ADCY10: variants seen among roughly 807,000 people sequenced by gnomAD.
ADCY10 encodes adenylate cyclase type 10.
ADCY10 carries 156 observed loss-of-function variants against 183.3 expected under a neutral mutation model. The observed-to-expected ratio is 0.85, with a 90% CI of 0.75 to 0.97. ADCY10 has a LOEUF of 0.97. Among genes scored for constraint, ADCY10 ranks in the 50% least tolerant of loss-of-function variants. ADCY10 has a pLI of 0.00. For synonymous variants in ADCY10, 645 were observed against 670.0 expected (o/e 0.96, Z 0.58); for missense variants, 1,745 against 1,934.3 (o/e 0.90, Z 1.84).
intron 10 of ADCY10, 82 bp from the exon 11 acceptor site, chr1:167,880,273 T>A: frequency 7.9e-7 from 1 of 1,269,826 alleles, no homozygotes; most frequent in Non-Finnish European, 1.1e-6. Flanking sequence ...GGAAATAATG[T>A]CTGGGTTGGG....
chr1:167,810,595 G>A, intron 32 of ADCY10, 130 bp downstream of exon 32: 1 of 849,414 alleles, frequency 1.2e-6, no homozygotes, highest in Non-Finnish European at 1.9e-6. Context: ...GGTTTCTATT[G>A]TTCATCAATG....
rs779277384 is a variant in ADCY10, at chr1:167,831,155, T to TA, written c.3594-1733dup. 1.1e-4 allele frequency among the ~76,000 whole-genome samples: 16 copies of TA among 152,252 alleles called. No homozygotes were observed. The East Asian group carries it at 3.1e-3, about 29-fold the overall frequency. On this transcript the variant is annotated intron_variant, in intron 25 of 32. Coordinates refer to ENST00000367851, the MANE Select transcript of ADCY10 (RefSeq NM_018417.6). Reference sequence around the variant, plus strand: ...ATTATGATGTGGAAATGATTTTTTTTAAAGGTTCTTAGGAAACATGGACAG... The same window carrying TA: ...ATTATGATGTGGAAATGATTTTTTTTAAAAGGTTCTTAGGAAACATGGACAG...
intron 29 of ADCY10, among the ~76,000 whole-genome samples, chr1:167,822,528 T>C (rs1261022895): frequency 1.3e-5 from 2 of 152,178 alleles, no homozygotes; most frequent in African/African-American, 4.8e-5. Context: ...TCCTGTGGTT[T>C]AGTGTGTACA....
Position 167,883,504 on chromosome 1 carries a change from T to TA in ADCY10, c.952dup (p.Tyr318LeufsTer17), listed in dbSNP as rs763059448. On this transcript the variant is annotated frameshift_variant, in exon 9 of 33. Coordinates refer to ENST00000367851, the MANE Select transcript of ADCY10 (RefSeq NM_018417.6). LOFTEE classifies it high-confidence loss of function. The stretch of plus-strand genomic sequence containing the variant: ...CTTCAGGACAGAAGTGATGTGCATA[T>TA]AGGCATCCTGGATGGCTGGGCCTAT... 65 of 1,614,142 alleles carry TA rather than the reference T, an allele frequency of 4.0e-5. No homozygotes were observed. Among genetic ancestry groups the TA allele is most frequent in the Non-Finnish European group, 5.3e-5 (62 of 1,180,054 alleles).
chr1:167,820,427 T>A, intron 30 of ADCY10: 1 of 515,730 alleles, frequency 1.9e-6, no homozygotes. Context: ...TCCAGGTGAT[T>A]TTTATGCCCA....
At chr1:167,913,253 A>T (rs1670265456) in intron 1 of ADCY10, among the ~76,000 whole-genome samples, 1 of 152,232 alleles carries the variant, frequency 6.6e-6, no homozygotes, top group Admixed American at 6.5e-5. Flanking sequence ...GCGGAGTGTG[A>T]GTAAAGAAAA....
chr1:167,876,745 C>T (rs1667495283), intron 12 of ADCY10, among the ~76,000 whole-genome samples: 1 of 152,162 alleles, frequency 6.6e-6, no homozygotes, highest in South Asian at 2.1e-4. Context: ...TATCTGTGCC[C>T]TTTGCTGTGT....
At position 167,867,779 on chromosome 1, in the gene ADCY10, A is replaced by G. The variant is rs1666811088; in HGVS notation, c.1616+2478T>C. ...GAATAAGATGCGGTTCTTTAAACTG[A>G]AAAAAAAAAAAGTTACACAGCAGGA... On this transcript the variant is annotated intron_variant, in intron 14 of 32. Transcript: ENST00000367851. Among the ~76,000 whole-genome samples, 3 of 146,218 alleles carry G rather than the reference A, an allele frequency of 2.1e-5. No homozygotes were observed. In the Middle Eastern group the frequency reaches 0.01, roughly 511 times the overall value.
chr1:167,811,001 A>G (rs1262054412), intron 31 of ADCY10, 88 bp from the exon 32 acceptor site: 1 of 1,247,436 alleles, frequency 8.0e-7, no homozygotes, highest in East Asian at 2.4e-5. Context: ...ATTTGGGAAC[A>G]TTTCAAGGAT....
At chr1:167,888,868 T>C (rs2102318690) in intron 8 of ADCY10, among the ~76,000 whole-genome samples, 2 of 111,024 alleles carry the variant, frequency 1.8e-5, no homozygotes, top group Non-Finnish European at 1.8e-5. Flanking sequence ...AGAGGGAGAC[T>C]CCGTCTCAAA....
intron 14 of ADCY10, among the ~76,000 whole-genome samples, chr1:167,863,797 C>G (rs545675777): frequency 6.6e-6 from 1 of 152,320 alleles, no homozygotes; most frequent in African/African-American, 2.4e-5. Flanking sequence ...GGCTGAACAC[C>G]GGGAAGGAAT....
At position 167,836,351 on chromosome 1, in the gene ADCY10, T is replaced by C. The variant is rs374619312; in HGVS notation, c.3267A>G (p.Leu1089=). Residue 1089 remains leucine, a synonymous_variant, in exon 23 of 33, where the codon TTA becomes TTG. Transcript: ENST00000367851. ...GENDKALYYF[L]EIASAYLIFC... is the part of the protein sequence containing the mutation. ...AGATGAGATAAGCAGATGCAATTTC[T>C]AAGAAGTAATATAAGGCTTTGTCAT... The C allele has an allele frequency of 1.2e-6, 2 of 1,613,966 alleles. No homozygotes were observed. Among genetic ancestry groups the C allele is most frequent in the Non-Finnish European group, 1.7e-6 (2 of 1,179,992 alleles).
chr1:167,842,628 T>C (rs1469317611), intron 21 of ADCY10, among the ~76,000 whole-genome samples: 1 of 150,930 alleles, frequency 6.6e-6, no homozygotes, highest in Non-Finnish European at 1.5e-5. Flanking sequence ...CTAGGGAAAA[T>C]AAACATTTGT....
chr1:167,901,595 A>T (rs1669426054), intron 5 of ADCY10, 67 bp downstream of exon 5: 1 of 1,491,928 alleles, frequency 6.7e-7, no homozygotes, highest in Admixed American at 1.7e-5. Flanking sequence ...TTTGGGAGAG[A>T]GAGATGCCCC....
chr1:167,856,253 T>C lies in ADCY10; in HGVS notation c.2083A>G (p.Ile695Val), dbSNP rs757071110. 1.2e-6 allele frequency: 2 copies of C among 1,613,862 alleles called. No homozygotes were observed. The highest frequency in any genetic ancestry group is 2.2e-5 in the South Asian group (2 of 91,066). Residue 695 changes from isoleucine (I) to valine (V), a missense_variant, in exon 17 of 33, where the codon ATT (isoleucine) becomes GTT (valine). By Grantham distance (29) the Ile-to-Val change is conservative (BLOSUM62 3). Coordinates refer to ENST00000367851, the MANE Select transcript of ADCY10 (RefSeq NM_018417.6). ...TTAGGCTGTACTGCACCAATGACAA[T>C]GTAGGTGGTGTTCCTGTTCTTTATT... ...AVIKNRNTTYIVIGAVQPNDI... is the reference protein window; with the variant it reads ...AVIKNRNTTYVVIGAVQPNDI...
chr1:167,880,693 C>T (rs896907064), intron 9 of ADCY10, 84 bp from the exon 10 acceptor site: 31 of 1,061,294 alleles, frequency 2.9e-5, no homozygotes, highest in Non-Finnish European at 4.0e-5. Flanking sequence ...AGAGAGCCGG[C>T]GGCAATTTTT....
In ADCY10 at chr1:167,896,690, A is replaced by G; in HGVS notation, c.644T>C (p.Val215Ala). The change falls in exon 7 of 33, where the codon GTT becomes GCT. Residue 215 changes from valine to alanine, a missense_variant and splice_region_variant. By Grantham distance (64) the Val-to-Ala change is moderately conservative. Transcript: ENST00000367851. Reference protein sequence around the residue: ...ESVPDQRAVKVNFLKPPPNFN... With the variant: ...ESVPDQRAVKANFLKPPPNFN... Reference sequence around the variant, plus strand: ...ATTGGGGGGTGGTTTTAAGAAGTTAACCTAAATAAAAGCAAATGAGAAGTT... The same window carrying G: ...ATTGGGGGGTGGTTTTAAGAAGTTAGCCTAAATAAAAGCAAATGAGAAGTT... 6.3e-7 allele frequency: 1 copy of G among 1,597,226 alleles called. No individual in the cohort carries two copies. The highest frequency in any genetic ancestry group is 8.6e-7 in the Non-Finnish European group (1 of 1,164,780).
At chr1:167,872,367 TAA>T (rs35237139) in intron 13 of ADCY10, among the ~76,000 whole-genome samples, 28 of 142,024 alleles carry the variant, frequency 2.0e-4, no homozygotes, top group African/African-American at 2.3e-4. Context: ...TAAGGAAGCT[TAA>T]AAAAAAAAAA....
At chr1:167,853,866 TCTCA>T (rs1451950336) in intron 18 of ADCY10, among the ~76,000 whole-genome samples, 1 of 136,356 alleles carries the variant, frequency 7.3e-6, no homozygotes, top group Non-Finnish European at 1.5e-5. Context: ...TGAGACAGAG[TCTCA>T]CTCTGTTGCC....
Sources: gnomAD v4.1 joint callset for allele counts (sites outside exome capture counted in the v4.1 genomes callset) on GRCh38, gnomAD v4.1.1 for gene constraint, MANE v1.5 for transcripts, NCBI Gene and HGNC (gene_info 2026-07-23, HGNC 2026-07-21) for gene names.